Variants in MAP4K2 observed in about 807,000 individuals in gnomAD.
The protein encoded by MAP4K2 is mitogen-activated protein kinase kinase kinase kinase 2.
Under a neutral mutation model 125.3 loss-of-function variants are expected in MAP4K2, and 85 were observed. That is an observed-to-expected ratio of 0.68 (90% CI 0.57 to 0.81). The LOEUF is 0.81. Among genes scored for constraint, MAP4K2 ranks in the 40% least tolerant of loss-of-function variants. The pLI is 0.00. For synonymous variants in MAP4K2, 479 were observed against 445.1 expected (o/e 1.08, Z -0.96); for missense variants, 923 against 1,056.4 (o/e 0.87, Z 1.75).
chr11:64,798,756 C>T, intron 15 of MAP4K2, 38 bp downstream of exon 15: 4 of 1,612,114 alleles, frequency 2.5e-6, no homozygotes, highest in Non-Finnish European at 3.4e-6. Flanking sequence ...TTTCTGCCGC[C>T]CCTGCCACCC....
Position 64,800,110 on chromosome 11 carries a change from TC to T in MAP4K2, c.913del (p.Glu305ArgfsTer31). On this transcript the variant is annotated frameshift_variant and splice_region_variant, in exon 12 of 32. Coordinates refer to ENST00000294066, the MANE Select transcript of MAP4K2 (RefSeq NM_004579.5). LOFTEE classifies it high-confidence loss of function. Reference sequence around the variant, plus strand: ...CACTTTCCAGCCCCCCTCACCTACCTCCAGCTCACAGTCCTCAGGGGAGGGG... The same window carrying T: ...CACTTTCCAGCCCCCCTCACCTACCTCAGCTCACAGTCCTCAGGGGAGGGG... ...GTPSPEDCELETYDMFPDTIH... is the reference protein window; with the variant it reads ...GTPSPEDCELXTYDMFPDTIH... 1 of 1,601,738 alleles carries T rather than the reference TC, an allele frequency of 6.2e-7. No homozygotes were observed. Among genetic ancestry groups the T allele is most frequent in the Non-Finnish European group, 8.5e-7 (1 of 1,174,532 alleles).
chr11:64,797,361 T>C lies in MAP4K2; in HGVS notation c.1190A>G (p.Asp397Gly), dbSNP rs1940875960. Residue 397 changes from aspartate (D) to glycine (G), a missense_variant, in exon 18 of 32, where the codon GAT (aspartate) becomes GGT (glycine). Coordinates refer to ENST00000294066, the MANE Select transcript of MAP4K2 (RefSeq NM_004579.5). ...SEFQELDSPD[D>G]TMGTIKRAPF... ...GGCCCGCTTGATGGTTCCCATGGTA[T>C]CGTCTGGGGAGTCCAGCTCCTGGTA... is the stretch of plus-strand genomic sequence containing the variant. 1.3e-6 allele frequency: 2 copies of C among 1,592,076 alleles called. No homozygotes were observed. Among genetic ancestry groups the C allele is most frequent in the Non-Finnish European group, 1.7e-6 (2 of 1,169,292 alleles).
intron 10 of MAP4K2, 107 bp from the exon 11 acceptor site, chr11:64,800,499 A>C (rs987257893): frequency 7.6e-7 from 1 of 1,321,712 alleles, no homozygotes; most frequent in Non-Finnish European, 1.1e-6. Context: ...GGGCCCACCC[A>C]GGAAGGAGCC....
At chr11:64,802,189 T>A in intron 4 of MAP4K2, 68 bp from the exon 5 acceptor site, 1 of 1,441,740 alleles carries the variant, frequency 6.9e-7, no homozygotes, top group Non-Finnish European at 9.7e-7. Flanking sequence ...GGCTACCGTG[T>A]GTGGGAAAAG....
chr11:64,802,939 G>T lies in MAP4K2; in HGVS notation c.100C>A (p.Arg34Ser). ...GCCAGTTCGGACGTGACCGTGTCGCGGGCCTGCAGGGGCGGAGGGTGAAGC... is the reference window on the plus strand; with the variant it reads ...GCCAGTTCGGACGTGACCGTGTCGCTGGCCTGCAGGGGCGGAGGGTGAAGC... ...AGTYGDVYKA[R>S]DTVTSELAAV... The change falls in exon 2 of 32, where the codon CGC (arginine) becomes AGC (serine). Residue 34 changes from arginine to serine, a missense_variant. Arg to Ser is a moderately radical substitution (Grantham distance 110). This residue lies in a region of MAP4K2 where 833 missense variants were observed against 911.4 expected (regional missense o/e 0.91). Coordinates refer to ENST00000294066, the MANE Select transcript of MAP4K2 (RefSeq NM_004579.5). The T allele has an allele frequency of 6.3e-7, 1 of 1,577,434 alleles. No individual in the cohort carries two copies. Among genetic ancestry groups the T allele is most frequent in the Non-Finnish European group, 8.6e-7 (1 of 1,162,602 alleles).
At chr11:64,797,774 C>G in intron 15 of MAP4K2, 110 bp from the exon 16 acceptor site, 1 of 1,054,610 alleles carries the variant, frequency 9.5e-7, no homozygotes. Context: ...GGCGCAATCG[C>G]GGCTCACTGC....
Position 64,788,495 on chromosome 11 carries a change from C to CT in MAP4K2, c.*1041dup, listed in dbSNP as rs1940297346. ...TGGAGAATGACAGCGTAAGCACAAG[C>CT]TACAGGAGAATGGCCATGCCCTCAA... On this transcript the variant is annotated 3_prime_UTR_variant, in exon 32 of 32. Coordinates refer to ENST00000294066, the MANE Select transcript of MAP4K2 (RefSeq NM_004579.5). The CT allele has an allele frequency of 6.6e-6, 1 of 152,400 alleles. No homozygotes were observed. Among genetic ancestry groups the CT allele is most frequent in the Admixed American group, 6.5e-5 (1 of 15,302 alleles). 9.4% of individuals were successfully genotyped at this position (152,400 alleles called of 1,614,324 possible).
intron 14 of MAP4K2, among the ~76,000 whole-genome samples, chr11:64,799,147 G>A (rs1251965386): frequency 6.6e-6 from 1 of 152,160 alleles, no homozygotes; most frequent in Admixed American, 6.5e-5. Context: ...GGCTGAGCAG[G>A]GTAGGGTGAG....
Position 64,802,090 on chromosome 11 carries a change from G to C in MAP4K2, c.342C>G (p.Ala114=), listed in dbSNP as rs774851557. ...ATGPLEERQI[A]YVCREALKGL... is the part of the protein sequence containing the mutation. Reference sequence around the variant, plus strand: ...CCTTCAGTGCCTCTCGGCAGACGTAGGCAATCTGCCGCTCCTCCAGGGGCC... The same window carrying C: ...CCTTCAGTGCCTCTCGGCAGACGTACGCAATCTGCCGCTCCTCCAGGGGCC... The change falls in exon 5 of 32, where the codon GCC becomes GCG. Residue 114 remains alanine (A), a synonymous_variant. Coordinates refer to ENST00000294066, the MANE Select transcript of MAP4K2 (RefSeq NM_004579.5). 1.2e-6 allele frequency: 2 copies of C among 1,612,834 alleles called. No individual in the cohort carries two copies. The highest frequency in any genetic ancestry group is 3.3e-5 in the Admixed American group (2 of 59,976).
intron 13 of MAP4K2, 58 bp downstream of exon 13, chr11:64,799,547 C>T: frequency 6.2e-7 from 1 of 1,611,580 alleles, no homozygotes. Context: ...CACACCAAAT[C>T]CATGTGCACA....
chr11:64,799,283 G>A, intron 14 of MAP4K2, 138 bp downstream of exon 14: 1 of 1,016,646 alleles, frequency 9.8e-7, no homozygotes, highest in South Asian at 1.5e-5. Flanking sequence ...GGTAGGACAG[G>A]CTTGCTTGGA....
At position 64,787,346 on chromosome 11, in the gene MAP4K2, A is replaced by G. The variant is rs942120149; in HGVS notation, c.*2191T>C. ...ACCTGGCCCCCCAGGATATATTTTT[A>G]AAGGGCAAGGTCAGTACAGTATGTG... On this transcript the variant is annotated 3_prime_UTR_variant, in exon 32 of 32. Coordinates refer to ENST00000294066, the MANE Select transcript of MAP4K2 (RefSeq NM_004579.5). The G allele has an allele frequency of 6.6e-6, 1 of 151,982 alleles. No homozygotes were observed. Among genetic ancestry groups the G allele is most frequent in the African/African-American group, 2.4e-5 (1 of 41,378 alleles). The allele number at this position is 151,982 out of a possible 1,614,324, so 9.4% of individuals were successfully genotyped here.
Position 64,803,135 on chromosome 11 carries a change from C to T in MAP4K2, c.15G>A (p.Arg5=). Residue 5 remains arginine, a synonymous_variant, in exon 1 of 32, where the codon CGG becomes CGA. Coordinates refer to ENST00000294066, the MANE Select transcript of MAP4K2 (RefSeq NM_004579.5). MALL[R]DVSLQDPRDR... ...CCCGCGGGTCCTGCAGCGACACATC[C>T]CGCAGCAGCGCCATGGCCCGGCGCC... 2 of 1,542,008 alleles carry T rather than the reference C, an allele frequency of 1.3e-6. No individual in the cohort carries two copies. The highest frequency in any genetic ancestry group is 1.7e-6 in the Non-Finnish European group (2 of 1,154,442).
chr11:64,794,830 C>T (rs1329972225), intron 24 of MAP4K2, among the ~76,000 whole-genome samples: 1 of 152,198 alleles, frequency 6.6e-6, no homozygotes, highest in Non-Finnish European at 1.5e-5. Flanking sequence ...GGCCTCTCCA[C>T]ACCTCCCAGC....
At chr11:64,802,203 C>T (rs779472682) in intron 4 of MAP4K2, 82 bp from the exon 5 acceptor site, 1 of 1,358,366 alleles carries the variant, frequency 7.4e-7, no homozygotes, top group East Asian at 2.3e-5. Context: ...GGAAAAGCAG[C>T]AGGCACTGTT....
intron 15 of MAP4K2, 147 bp downstream of exon 15, chr11:64,798,647 C>T (rs1940973787): frequency 1.3e-6 from 1 of 758,198 alleles, no homozygotes; most frequent in Non-Finnish European, 2.2e-6. Flanking sequence ...GTTGGCAAAG[C>T]TGGTCTTGAA....
At chr11:64,799,829 G>C in intron 12 of MAP4K2, 146 bp from the exon 13 acceptor site, 1 of 682,484 alleles carries the variant, frequency 1.5e-6, no homozygotes, top group Non-Finnish European at 2.5e-6. Flanking sequence ...CCACTTCACA[G>C]ATGAGAGAAC....
At position 64,800,189 on chromosome 11, in the gene MAP4K2, G is replaced by A. The variant is rs764475692; in HGVS notation, c.835C>T (p.Arg279Trp). 9.3e-6 allele frequency: 15 copies of A among 1,613,150 alleles called. No homozygotes were observed. Among genetic ancestry groups the A allele is most frequent in the East Asian group, 6.7e-5 (3 of 44,874 alleles). Residue 279 changes from arginine to tryptophan, a missense_variant, in exon 12 of 32, where the codon CGG becomes TGG. Physicochemically the swap from Arg to Trp is moderately radical, Grantham distance 101. Coordinates refer to ENST00000294066, the MANE Select transcript of MAP4K2 (RefSeq NM_004579.5). ...TCCAGCAGCTGTGTGAGGAGGGCCC[G>A]AGGGAGCTGCTGAGTCGTGAACGGG... Reference protein sequence around the residue: ...QHPFTTQQLPRALLTQLLDKA... With the variant: ...QHPFTTQQLPWALLTQLLDKA...
Position 64,792,226 on chromosome 11 carries a change from G to A in MAP4K2, c.1860C>T (p.Thr620=), listed in dbSNP as rs985015240. ...GATFLLAALP[T]SLLLLQWYEP... is the part of the protein sequence containing the mutation. ...CATACCACTGCAGCAGGAGCAGGCT[G>A]GTGGGCAGGGCGGCCAGCAGGAAGG... Residue 620 remains threonine, a synonymous_variant, in exon 26 of 32, where the codon ACC becomes ACT. Coordinates refer to ENST00000294066, the MANE Select transcript of MAP4K2 (RefSeq NM_004579.5). The A allele has an allele frequency of 3.1e-6, 5 of 1,612,356 alleles. No homozygotes were observed. The highest frequency in any genetic ancestry group is 2.2e-5 in the South Asian group (2 of 90,948).
Sources: gnomAD v4.1 joint callset for allele counts (sites outside exome capture counted in the v4.1 genomes callset) on GRCh38, gnomAD v4.1.1 for gene constraint, gnomAD v4.1.1 regional missense constraint, MANE v1.5 for transcripts, NCBI Gene and HGNC (gene_info 2026-07-23, HGNC 2026-07-21) for gene names.